The following PEX5L variants were observed in gnomAD, a reference collection of about 807,000 sequenced individuals.
PEX5L encodes peroxisomal biogenesis factor 5 like, also known as PEX5-related protein.
Under a neutral mutation model 84.0 loss-of-function variants are expected in PEX5L, and 30 were observed. The ratio of observed to expected loss-of-function variants is 0.36; its 90% confidence interval spans 0.27 to 0.48. The LOEUF is 0.48. Ranked by LOEUF, PEX5L falls within the 20% of genes least tolerant of loss-of-function variation. The probability of loss-of-function intolerance (pLI) is 0.99; values close to 1 mark genes in which losing one functional copy is unlikely to be tolerated. For missense variants in PEX5L, 533 were observed against 754.6 expected (o/e 0.71, Z 3.44); for synonymous variants, 270 against 283.1 (o/e 0.95, Z 0.46).
At chr3:179,909,615 G>A (rs1764479185) in intron 2 of PEX5L, among the ~76,000 whole-genome samples, 2 of 152,182 alleles carry the variant, frequency 1.3e-5, no homozygotes, top group African/African-American at 4.8e-5. Flanking sequence ...GCTGAGTTGT[G>A]TACTCCCAAA....
At chr3:179,933,432 C>T (rs925097880) in intron 2 of PEX5L, among the ~76,000 whole-genome samples, 2 of 136,792 alleles carry the variant, frequency 1.5e-5, no homozygotes, top group African/African-American at 5.6e-5. Context: ...ATAATGGAGT[C>T]ATATACAATT....
Position 179,807,844 on chromosome 3 carries a change from T to C in PEX5L, c.1519-13A>G, listed in dbSNP as rs536621453. On this transcript the variant is annotated splice_polypyrimidine_tract_variant and intron_variant, in intron 13 of 14. Coordinates refer to ENST00000467460, the MANE Select transcript of PEX5L (RefSeq NM_016559.3). ...ATAGTGAATAGTCCTGATGACAAAATCAGAACTTTCTAACAACCCAGTACA... is the reference window on the plus strand; with the variant it reads ...ATAGTGAATAGTCCTGATGACAAAACCAGAACTTTCTAACAACCCAGTACA... 2.4e-5 allele frequency: 38 copies of C among 1,609,686 alleles called. 1 individual carries two copies. In the South Asian group the frequency reaches 4.0e-4, roughly 17 times the overall value.
At chr3:179,913,064 G>A (rs1424299720) in intron 2 of PEX5L, among the ~76,000 whole-genome samples, 2 of 152,120 alleles carry the variant, frequency 1.3e-5, no homozygotes, top group African/African-American at 4.8e-5. Context: ...AAGAAAAGGT[G>A]TTTTGTTCCC....
At chr3:179,987,826 G>A (rs970132772) in intron 1 of PEX5L, among the ~76,000 whole-genome samples, 1 of 152,170 alleles carries the variant, frequency 6.6e-6, no homozygotes, top group Non-Finnish European at 1.5e-5. Flanking sequence ...CAGGGATGAT[G>A]TAAAATATTA....
intron 1 of PEX5L, among the ~76,000 whole-genome samples, chr3:179,994,116 G>T (rs963073912): frequency 4.6e-5 from 7 of 152,092 alleles, no homozygotes; most frequent in African/African-American, 1.4e-4. Flanking sequence ...TCTAATGGTG[G>T]ACATTCAGGT....
intron 8 of PEX5L, among the ~76,000 whole-genome samples, chr3:179,853,686 A>G (rs1577628690): frequency 2.0e-5 from 3 of 152,194 alleles, no homozygotes. Context: ...TTTTAAGCCC[A>G]GAATGGGAGT....
chr3:179,962,183 T>C (rs1329208688), intron 2 of PEX5L, among the ~76,000 whole-genome samples: 1 of 133,692 alleles, frequency 7.5e-6, no homozygotes, highest in Non-Finnish European at 1.6e-5. Context: ...AGCTGTGCAC[T>C]TGAAATACAC....
At chr3:179,813,439 G>GAGT (rs1724668922) in intron 10 of PEX5L, among the ~76,000 whole-genome samples, 1 of 152,122 alleles carries the variant, frequency 6.6e-6, no homozygotes, top group Non-Finnish European at 1.5e-5. Flanking sequence ...TATTTTTAGG[G>GAGT]GGTGGCCTAT....
In PEX5L at chr3:179,805,146, CTTTTTTTTTTT is replaced by C. The variant is rs777171015; in HGVS notation, c.1676+2517_1676+2527del. 1.4e-3 allele frequency among the ~76,000 whole-genome samples: 124 copies of C among 86,464 alleles called. 1 individual carries two copies. The highest frequency in any genetic ancestry group is 0.011 in the East Asian group (31 of 2,870). The allele number at this position is 86,464 out of a possible 152,430, so 56.7% of individuals were successfully genotyped here. Reference sequence around the variant, plus strand: ...AAAAAATTACGTCTCACTCGATGGTCTTTTTTTTTTTTTTTTTTTTTTTCAGGAAAAAGCAC... The same window carrying C: ...AAAAAATTACGTCTCACTCGATGGTCTTTTTTTTTTTTCAGGAAAAAGCAC... On this transcript the variant is annotated intron_variant, in intron 14 of 14. Coordinates refer to ENST00000467460, the MANE Select transcript of PEX5L (RefSeq NM_016559.3).
At chr3:179,883,603 G>A (rs6785866) in intron 4 of PEX5L, among the ~76,000 whole-genome samples, 4,675 of 152,168 alleles carry the variant, frequency 0.031, 242 homozygotes, top group African/African-American at 0.11. Context: ...GACCAAAATG[G>A]AGAAACCCCG....
chr3:179,853,185 C>T (rs1742589801), intron 8 of PEX5L, among the ~76,000 whole-genome samples: 1 of 152,124 alleles, frequency 6.6e-6, no homozygotes, highest in African/African-American at 2.4e-5. Flanking sequence ...CTTAATTACT[C>T]CTTAAGGACA....
At chr3:179,906,358 A>G (rs888655136) in intron 2 of PEX5L, among the ~76,000 whole-genome samples, 5 of 152,196 alleles carry the variant, frequency 3.3e-5, no homozygotes, top group African/African-American at 1.2e-4. Context: ...GCTTCCTCTG[A>G]TGAATGTGGT....
chr3:180,001,370 G>T (rs1199364058), intron 1 of PEX5L, among the ~76,000 whole-genome samples: 2 of 147,210 alleles, frequency 1.4e-5, no homozygotes, highest in Non-Finnish European at 1.5e-5. Context: ...ATATATAGAA[G>T]ATATATATAT....
At chr3:179,995,189 C>G (rs949326429) in intron 1 of PEX5L, among the ~76,000 whole-genome samples, 1 of 146,488 alleles carries the variant, frequency 6.8e-6, no homozygotes. Context: ...ACACTATATA[C>G]TATATATAGT....
intron 1 of PEX5L, among the ~76,000 whole-genome samples, chr3:179,991,879 T>C (rs573104515): frequency 6.6e-6 from 1 of 152,364 alleles, no homozygotes; most frequent in Non-Finnish European, 1.5e-5. Flanking sequence ...CAAAGTATAT[T>C]TTCTTAGCTT....
intron 8 of PEX5L, among the ~76,000 whole-genome samples, chr3:179,829,812 C>T (rs1392855809): frequency 1.5e-5 from 2 of 134,046 alleles, no homozygotes; most frequent in East Asian, 4.3e-4. Context: ...GTTTTGCTCT[C>T]GTTGCCAAGG....
chr3:179,957,401 A>G (rs1298906517), intron 2 of PEX5L, among the ~76,000 whole-genome samples: 1 of 152,164 alleles, frequency 6.6e-6, no homozygotes, highest in Non-Finnish European at 1.5e-5. Flanking sequence ...CACAGAAGGA[A>G]TCACAAGGAG....
intron 14 of PEX5L, among the ~76,000 whole-genome samples, chr3:179,807,265 A>C (rs1027434747): frequency 9.2e-5 from 14 of 152,234 alleles, no homozygotes; most frequent in Admixed American, 2.6e-4. Flanking sequence ...TCTGAAAGTC[A>C]TTTTGCCAGG....
At chr3:179,850,478 T>C (rs1405575662) in intron 8 of PEX5L, among the ~76,000 whole-genome samples, 1 of 152,178 alleles carries the variant, frequency 6.6e-6, no homozygotes, top group Non-Finnish European at 1.5e-5. Flanking sequence ...TCATTGCAAG[T>C]GATTCTACCA....
Sources: gnomAD v4.1 joint callset for allele counts (sites outside exome capture counted in the v4.1 genomes callset) on GRCh38, gnomAD v4.1.1 for gene constraint, MANE v1.5 for transcripts, NCBI Gene and HGNC (gene_info 2026-07-23, HGNC 2026-07-21) for gene names.